ROBO2: variants seen among roughly 807,000 people sequenced by gnomAD.
ROBO2 encodes the protein roundabout homolog 2.
A neutral mutation model predicts 160.8 loss-of-function variants in ROBO2; 53 were observed. The ratio of observed to expected loss-of-function variants is 0.33; its 90% CI spans 0.26 to 0.41. The LOEUF (loss-of-function observed/expected upper bound fraction) is 0.41, where lower values mean the gene tolerates loss of function less well. Among genes scored for constraint, ROBO2 ranks in the 10% least tolerant of loss-of-function variants. The pLI is 1.00. For missense variants in ROBO2, 1,577 were observed against 1,722.4 expected (o/e 0.92, Z 1.49); for synonymous variants, 664 against 611.7 (o/e 1.09, Z -1.26).
At chr3:76,639,401 CACAT>C (rs2090520763) in intron 2 of ROBO2, among the ~76,000 whole-genome samples, 1 of 151,204 alleles carries the variant, frequency 6.6e-6, no homozygotes, top group South Asian at 2.1e-4. Context: ...AATATATATA[CACAT>C]ACATACATAA....
intron 2 of ROBO2, among the ~76,000 whole-genome samples, chr3:76,946,485 T>G (rs1251557789): frequency 6.6e-6 from 1 of 152,196 alleles, no homozygotes. Context: ...TCGCCCAGGC[T>G]GGAGTGCAGT....
rs143161879 is a variant in ROBO2 at position 76,319,863 on chromosome 3, G to T, written c.109+382261G>T. ...AATATAGGTTATAATTTAGCTTAAC[G>T]TAGAAATTCAAGTAATCTATGTAGG... On this transcript the variant is annotated intron_variant, in intron 2 of 26. Transcript: ENST00000487694. Among the ~76,000 whole-genome samples, 443 of 151,720 alleles carry T rather than the reference G, an allele frequency of 2.9e-3. 1 individual carries two copies. Among genetic ancestry groups the T allele is most frequent in the African/African-American group, 0.01 (423 of 41,406 alleles).
intron 2 of ROBO2, among the ~76,000 whole-genome samples, chr3:76,824,753 C>A (rs2066418962): frequency 6.6e-6 from 1 of 152,128 alleles, no homozygotes. Flanking sequence ...GCAGTTACTG[C>A]TTCCGAGGCT....
intron 2 of ROBO2, among the ~76,000 whole-genome samples, chr3:77,353,215 A>G (rs2068591859): frequency 6.6e-6 from 1 of 152,200 alleles, no homozygotes; most frequent in Admixed American, 6.5e-5. Context: ...AAAGCTGTAC[A>G]TTGAACCAGA....
At chr3:77,540,612 G>C (rs536900146) in intron 6 of ROBO2, among the ~76,000 whole-genome samples, 12 of 152,154 alleles carry the variant, frequency 7.9e-5, no homozygotes, top group Admixed American at 3.3e-4. Flanking sequence ...TCAGGAAAAA[G>C]AGCTAACGCA....
intron 2 of ROBO2, among the ~76,000 whole-genome samples, chr3:76,428,460 A>G (rs1382162703): frequency 1.3e-5 from 2 of 152,184 alleles, no homozygotes; most frequent in South Asian, 4.1e-4. Flanking sequence ...CATCAGCACT[A>G]TATGTCTATT....
At chr3:76,475,844 A>G (rs192046811) in intron 2 of ROBO2, among the ~76,000 whole-genome samples, 1 of 152,296 alleles carries the variant, frequency 6.6e-6, no homozygotes, top group African/African-American at 2.4e-5. Flanking sequence ...GAGTATTCCC[A>G]CATGATGCTT....
rs1363166230 is a variant in ROBO2 at position 76,979,576 on chromosome 3, G to GGT, written c.110-118435_110-118434dup. Among the ~76,000 whole-genome samples, 77 of 151,416 alleles carry GGT rather than the reference G, an allele frequency of 5.1e-4. 1 individual carries two copies. The East Asian group carries it at 5.3e-3, about 10-fold the overall frequency. ...TTTCTTTATTGCTGAATGGTATTGG[G>GGT]GTGTATGTGTGTGTGTGGTGTGTGT... On this transcript the variant is annotated intron_variant, in intron 2 of 26. Transcript: ENST00000487694.
At chr3:77,089,267 A>C (rs566756407) in intron 1 of ROBO2, among the ~76,000 whole-genome samples, 2 of 152,296 alleles carry the variant, frequency 1.3e-5, no homozygotes, top group African/African-American at 4.8e-5. Context: ...GTTGTGAGAA[A>C]GAAACTTCAG....
chr3:76,220,541 T>G (rs527720798), intron 2 of ROBO2, among the ~76,000 whole-genome samples: 8 of 152,234 alleles, frequency 5.3e-5, no homozygotes, highest in Admixed American at 3.9e-4. Context: ...TGCAAATGCC[T>G]TGGGAGCATT....
exon 8 of ROBO2, chr3:77,550,868 G>T: frequency 6.2e-7 from 1 of 1,613,022 alleles, no homozygotes; most frequent in Non-Finnish European, 8.5e-7. Flanking sequence ...GATGCTCAGT[G>T]TCACCAACTG....
intron 2 of ROBO2, among the ~76,000 whole-genome samples, chr3:77,025,571 A>C (rs2062913294): frequency 6.6e-6 from 1 of 152,242 alleles, no homozygotes; most frequent in Non-Finnish European, 1.5e-5. Flanking sequence ...AAGGTTAGAC[A>C]AAAGATTCAT....
In ROBO2 at chr3:77,435,185, T is replaced by C. The variant is rs568295758; in HGVS notation, c.389-42229T>C. ...AATAAATTTGTTGATATAGATAACATAAGGCTAATTTTCTCTTGAAATTTA... is the reference window on the plus strand; with the variant it reads ...AATAAATTTGTTGATATAGATAACACAAGGCTAATTTTCTCTTGAAATTTA... On this transcript the variant is annotated intron_variant, in intron 2 of 25. Transcript: ENST00000461745. Among the ~76,000 whole-genome samples the C allele has an allele frequency of 3.3e-5, 5 of 152,080 alleles. No individual in the cohort carries two copies. In the South Asian group the frequency reaches 1.0e-3, roughly 31 times the overall value.
intron 2 of ROBO2, among the ~76,000 whole-genome samples, chr3:76,117,895 G>T (rs2070546944): frequency 6.6e-6 from 1 of 152,014 alleles, no homozygotes; most frequent in South Asian, 2.1e-4. Flanking sequence ...GCCAGGGAAG[G>T]TTTATTTGAA....
At chr3:76,975,467 T>C (rs1421996946) in intron 2 of ROBO2, among the ~76,000 whole-genome samples, 1 of 152,166 alleles carries the variant, frequency 6.6e-6, no homozygotes, top group East Asian at 1.9e-4. Context: ...ATCGCGCCAT[T>C]GCACTCCAGT....
At chr3:77,277,753 C>T (rs2059984739) in intron 2 of ROBO2, among the ~76,000 whole-genome samples, 1 of 152,146 alleles carries the variant, frequency 6.6e-6, no homozygotes, top group African/African-American at 2.4e-5. Context: ...AATAGTGCTG[C>T]AATGAGCATA....
chr3:77,638,629 C>T (rs1298502342), intron 24 of ROBO2, among the ~76,000 whole-genome samples: 2 of 152,092 alleles, frequency 1.3e-5, no homozygotes, highest in Non-Finnish European at 2.9e-5. Flanking sequence ...GAGTGTTCTT[C>T]TCCCTTTTGT....
chr3:77,407,930 C>T (rs537614531), intron 2 of ROBO2, among the ~76,000 whole-genome samples: 3 of 152,184 alleles, frequency 2.0e-5, no homozygotes, highest in South Asian at 2.1e-4. Flanking sequence ...TTACGTGTTA[C>T]TAACAGATTT....
chr3:77,138,270 T>C (rs987486513), intron 2 of ROBO2, among the ~76,000 whole-genome samples: 5 of 152,252 alleles, frequency 3.3e-5, no homozygotes, highest in Admixed American at 3.3e-4. Flanking sequence ...TATTTGTGAT[T>C]ATAGTTTGTG....
Sources: allele counts gnomAD v4.1 joint callset (sites outside exome capture counted in the v4.1 genomes callset), GRCh38; gene constraint gnomAD v4.1.1; transcripts MANE v1.5; gene names NCBI Gene and HGNC (gene_info 2026-07-23, HGNC 2026-07-21).